TRAF2: variants seen among roughly 807,000 people sequenced by gnomAD.
TRAF2 encodes TNF receptor associated factor 2.
A neutral mutation model predicts 55.6 loss-of-function variants in TRAF2; 6 were observed. The ratio of observed to expected loss-of-function variants is 0.11; its 90% CI spans 0.06 to 0.21. The LOEUF (loss-of-function observed/expected upper bound fraction) is 0.21, where lower values mean the gene tolerates loss of function less well. Among genes scored for constraint, TRAF2 ranks in the 10% least tolerant of loss-of-function variants. The probability of loss-of-function intolerance (pLI) is 1.00; values close to 1 mark genes in which losing one functional copy is unlikely to be tolerated. For missense variants in TRAF2, 561 were observed against 684.5 expected (o/e 0.82, Z 2.01); for synonymous variants, 329 against 276.3 (o/e 1.19, Z -1.89).
intron 9 of TRAF2, among the ~76,000 whole-genome samples, 157 bp downstream of exon 9, chr9:136,921,372 G>A (rs1158882892): frequency 6.6e-6 from 1 of 152,174 alleles, no homozygotes; most frequent in African/African-American, 2.4e-5. Flanking sequence ...GTGGCAAGTG[G>A]GGTAGCTGAA....
At position 136,920,107 on chromosome 9, in the gene TRAF2, C is replaced by G. The variant is rs530997731; in HGVS notation, c.679-127C>G. The G allele has an allele frequency of 4.1e-6, 5 of 1,221,452 alleles. 1 individual carries two copies. In the South Asian group the frequency reaches 6.3e-5, roughly 15 times the overall value. 75.7% of individuals were successfully genotyped at this position (1,221,452 alleles called of 1,614,324 possible). ...AAGGATCAGCCATGACCAGGCCACC[C>G]AGGCATCCCTATCTATGACCCTGGC... On this transcript the variant is annotated intron_variant, in intron 7 of 10. Coordinates refer to ENST00000247668, the MANE Select transcript of TRAF2 (RefSeq NM_021138.4).
At chr9:136,920,212 C>A in intron 7 of TRAF2, 22 bp from the exon 8 acceptor site, 1 of 1,584,732 alleles carries the variant, frequency 6.3e-7, no homozygotes, top group South Asian at 1.1e-5. Context: ...GAGCCAGCAG[C>A]CTCCCTGCCC....
chr9:136,916,030 A>T (rs955098648), intron 6 of TRAF2, among the ~76,000 whole-genome samples: 1 of 152,148 alleles, frequency 6.6e-6, no homozygotes, highest in Non-Finnish European at 1.5e-5. Context: ...CCATAGACCC[A>T]TGTCAGATAC....
At position 136,898,715 on chromosome 9, in the gene TRAF2, C is replaced by G. The variant is rs1456907562; in HGVS notation, c.-26C>G. On this transcript the variant is annotated splice_region_variant and 5_prime_UTR_variant, in exon 2 of 11. Coordinates refer to ENST00000247668, the MANE Select transcript of TRAF2 (RefSeq NM_021138.4). ...ACGTGCTGTGTGTTCTTCCTTAGGG[C>G]TTTGTTCGCGGGGGTCACAGCTCTC... 3.7e-6 allele frequency: 6 copies of G among 1,612,576 alleles called. No homozygotes were observed. The East Asian group carries it at 1.1e-4, about 30-fold the overall frequency.
At chr9:136,901,334 C>T (rs1564409358) in intron 4 of TRAF2, among the ~76,000 whole-genome samples, 1 of 152,178 alleles carries the variant, frequency 6.6e-6, no homozygotes, top group Non-Finnish European at 1.5e-5. Context: ...TAACACTGTC[C>T]ACAGAGCCCA....
chr9:136,918,262 TTTAATTA>T (rs1564419565), intron 7 of TRAF2, among the ~76,000 whole-genome samples: 2 of 31,834 alleles, frequency 6.3e-5, no homozygotes, highest in African/African-American at 2.1e-4. Flanking sequence ...TATATATTTA[TTTAATTA>T]ATTAATTTAT....
chr9:136,900,185 AT>A (rs67777368), intron 3 of TRAF2, among the ~76,000 whole-genome samples: 1,886 of 109,026 alleles, frequency 0.017, 71 homozygotes, highest in South Asian at 0.043. Context: ...AAAAAAAAGA[AT>A]AAAGGGCCGC....
At chr9:136,917,337 ACT>A (rs1850266873) in intron 7 of TRAF2, among the ~76,000 whole-genome samples, 1 of 151,998 alleles carries the variant, frequency 6.6e-6, no homozygotes, top group African/African-American at 2.4e-5. Context: ...GGGCATGCCC[ACT>A]TGTGCCCACC....
upstream of TRAF2, chr9:136,882,744 G>A (rs1032418467): frequency 1.1e-5 from 11 of 985,470 alleles, no homozygotes; most frequent in Admixed American, 6.1e-5. Flanking sequence ...CAAACAAGGC[G>A]AGTCCCCAGG....
At position 136,909,957 on chromosome 9, in the gene TRAF2, G is replaced by C. The variant is rs1317927577; in HGVS notation, c.566G>C (p.Cys189Ser). Residue 189 changes from cysteine (C) to serine (S), a missense_variant, in exon 6 of 11, where the codon TGT becomes TCT. Cys to Ser is a moderately radical substitution (Grantham distance 112). This residue lies in a region of TRAF2 where 426 missense variants were observed against 476.8 expected (regional missense o/e 0.89). Transcript: ENST00000247668. The part of the protein sequence containing the change: ...HEVCPKFPLT[C>S]DGCGKKKIPR... ...GTCTGCCCCAAGTTCCCCTTAACTT[G>C]TGACGGCTGCGGCAAGAAGAAGATC... 8 of 1,614,010 alleles carry C rather than the reference G, an allele frequency of 5.0e-6. No individual in the cohort carries two copies. Among genetic ancestry groups the C allele is most frequent in the Non-Finnish European group, 6.8e-6 (8 of 1,180,026 alleles).
rs563863360 is a variant in TRAF2, at chr9:136,898,614, G to A, written c.-28-99G>A. On this transcript the variant is annotated intron_variant, in intron 1 of 10. Transcript: ENST00000247668. The stretch of plus-strand genomic sequence containing the variant: ...CTTGACCGCAGGTCAGTGGGGACCC[G>A]GCCCCTCACCATCGCCTGCTACTGA... The A allele has an allele frequency of 2.0e-5, 31 of 1,517,784 alleles. 1 individual carries two copies. The African/African-American group carries it at 2.6e-4, about 13-fold the overall frequency. 94.0% of individuals were successfully genotyped at this position (1,517,784 alleles called of 1,614,324 possible).
intron 1 of TRAF2, among the ~76,000 whole-genome samples, chr9:136,895,718 G>A (rs1366822662): frequency 6.6e-6 from 1 of 152,024 alleles, no homozygotes; most frequent in African/African-American, 2.4e-5. Context: ...CTGTGGTGGC[G>A]GGTACCTGTG....
chr9:136,919,297 T>TTTTG lies in TRAF2; in HGVS notation c.679-934_679-933insGTTT, dbSNP rs1238047983. 6.0e-4 allele frequency among the ~76,000 whole-genome samples: 84 copies of TTTTG among 140,644 alleles called. 3 individuals carry two copies. The highest frequency in any genetic ancestry group is 2.2e-3 in the African/African-American group (83 of 37,800). The allele number at this position is 140,644 out of a possible 152,430, so 92.3% of individuals were successfully genotyped here. A position where few individuals can be genotyped will look rare whatever the true frequency, so the allele number is the denominator to read the frequency against. ...GCTTCTCTGGAACTTGTGGGTGGCT[T>TTTTG]TTTTTTTTTTTTTTTTTTGAGACAG... On this transcript the variant is annotated intron_variant, in intron 7 of 10. Coordinates refer to ENST00000247668, the MANE Select transcript of TRAF2 (RefSeq NM_021138.4).
In TRAF2 at chr9:136,923,776, G is replaced by A. The variant is rs541332204; in HGVS notation, c.1139-76G>A. 1.0e-4 allele frequency: 158 copies of A among 1,513,896 alleles called. 1 individual carries two copies. The Middle Eastern group carries it at 1.2e-3, about 11-fold the overall frequency. 93.8% of individuals were successfully genotyped at this position (1,513,896 alleles called of 1,614,324 possible). A position where few individuals can be genotyped will look rare whatever the true frequency, so the allele number is the denominator to read the frequency against. ...TGTAGGTGTTTTTGTCCCTGGGGGA[G>A]GGCAGCCAGGCAGGAAGAGCCCTGC... On this transcript the variant is annotated intron_variant, in intron 9 of 10. Transcript: ENST00000247668.
intron 9 of TRAF2, 138 bp from the exon 10 acceptor site, chr9:136,923,714 A>C: frequency 1.4e-6 from 1 of 702,280 alleles, no homozygotes; most frequent in Non-Finnish European, 2.0e-6. Flanking sequence ...GAGGGAAAAA[A>C]AACTTTTCTT....
chr9:136,894,574 A>G (rs1849643776), intron 1 of TRAF2, among the ~76,000 whole-genome samples: 1 of 151,358 alleles, frequency 6.6e-6, no homozygotes, highest in Non-Finnish European at 1.5e-5. Context: ...AACAGAGGAG[A>G]GCAGGGGGAT....
At chr9:136,896,527 C>T (rs1057132741) in intron 1 of TRAF2, among the ~76,000 whole-genome samples, 2 of 152,192 alleles carry the variant, frequency 1.3e-5, no homozygotes, top group African/African-American at 4.8e-5. Flanking sequence ...GTTCCTTGTG[C>T]TTGATAGGGC....
At chr9:136,904,033 A>C (rs1398389563) in intron 4 of TRAF2, among the ~76,000 whole-genome samples, 2 of 152,116 alleles carry the variant, frequency 1.3e-5, no homozygotes, top group African/African-American at 2.4e-5. Context: ...CTGAGCAGTG[A>C]GGCTGAGAGT....
At chr9:136,902,728 C>T (rs1042475245) in intron 4 of TRAF2, among the ~76,000 whole-genome samples, 3 of 152,152 alleles carry the variant, frequency 2.0e-5, no homozygotes, top group East Asian at 1.9e-4. Flanking sequence ...CACATGGGGA[C>T]GGAAATCAAC....
Sources: allele counts gnomAD v4.1 joint callset (sites outside exome capture counted in the v4.1 genomes callset), GRCh38; gene constraint gnomAD v4.1.1; regional missense constraint gnomAD v4.1.1; transcripts MANE v1.5; gene names NCBI Gene and HGNC (gene_info 2026-07-23, HGNC 2026-07-21).